Variants in PRKCA observed in about 807,000 individuals in gnomAD.
PRKCA encodes protein kinase C alpha.
A neutral mutation model predicts 87.0 loss-of-function variants in PRKCA; 27 were observed. The ratio of observed to expected loss-of-function variants is 0.31; its 90% CI spans 0.23 to 0.43. The LOEUF (loss-of-function observed/expected upper bound fraction) is 0.43. Ranked by LOEUF, PRKCA falls within the 20% of genes least tolerant of loss-of-function variation. The pLI, the probability that PRKCA is intolerant of heterozygous loss-of-function variation, is 1.00. For missense variants in PRKCA, 518 were observed against 852.3 expected, an observed-to-expected ratio of 0.61 and a Z score of 4.88; for synonymous variants, 329 against 311.1, an observed-to-expected ratio of 1.06 and a Z score of -0.61.
Position 66,536,882 on chromosome 17 carries a change from A to C in PRKCA, c.288+40599A>C, listed in dbSNP as rs546720166. On this transcript the variant is annotated intron_variant, in intron 3 of 16. Coordinates refer to ENST00000413366, the MANE Select transcript of PRKCA (RefSeq NM_002737.3). ...GCACCATGTGGGTCCAGTCCCTGAG[A>C]TGAGTGCTTGATAGATAGAGGTGAA... Among the ~76,000 whole-genome samples the C allele has an allele frequency of 5.9e-5, 9 of 152,274 alleles. No homozygotes were observed. The South Asian group carries it at 1.9e-3, about 32-fold the overall frequency.
intron 3 of PRKCA, among the ~76,000 whole-genome samples, chr17:66,537,818 A>G (rs1395881401): frequency 2.0e-5 from 3 of 151,910 alleles, no homozygotes; most frequent in African/African-American, 7.3e-5. Flanking sequence ...TGGTTTGTTT[A>G]TTTGGGAGAT....
chr17:66,706,416 G>A (rs1022701851), intron 8 of PRKCA, among the ~76,000 whole-genome samples: 2 of 151,514 alleles, frequency 1.3e-5, no homozygotes, highest in Non-Finnish European at 2.9e-5. Flanking sequence ...CAGGCAGATC[G>A]CAAGGTCAGG....
chr17:66,734,829 C>T (rs2144210202), intron 9 of PRKCA, among the ~76,000 whole-genome samples: 1 of 152,274 alleles, frequency 6.6e-6, no homozygotes, highest in South Asian at 2.1e-4. Flanking sequence ...GATCAGAGTG[C>T]ACAGTCCTCA....
chr17:66,522,828 A>C (rs937462343), intron 3 of PRKCA, among the ~76,000 whole-genome samples: 16 of 150,112 alleles, frequency 1.1e-4, no homozygotes, highest in Non-Finnish European at 2.1e-4. Flanking sequence ...AAAAAAGAAG[A>C]AGCCAGGCCC....
At chr17:66,674,431 A>T (rs1314088816) in intron 5 of PRKCA, among the ~76,000 whole-genome samples, 2 of 152,222 alleles carry the variant, frequency 1.3e-5, no homozygotes, top group Non-Finnish European at 2.9e-5. Context: ...CAAAATAACT[A>T]AAAGAGACTA....
chr17:66,643,644 T>G (rs1827561364), intron 4 of PRKCA, among the ~76,000 whole-genome samples: 1 of 152,216 alleles, frequency 6.6e-6, no homozygotes, highest in African/African-American at 2.4e-5. Flanking sequence ...TGTTTTAAAC[T>G]CTTTTTCTTG....
chr17:66,407,290 A>T (rs763421919), intron 2 of PRKCA, among the ~76,000 whole-genome samples: 20 of 151,210 alleles, frequency 1.3e-4, no homozygotes, highest in Non-Finnish European at 1.8e-4. Flanking sequence ...TCCTTTGTGG[A>T]TGGTTTAGCA....
intron 2 of PRKCA, among the ~76,000 whole-genome samples, chr17:66,427,212 C>A: frequency 6.6e-6 from 1 of 151,968 alleles, no homozygotes; most frequent in Admixed American, 6.6e-5. Flanking sequence ...TTGTATTTCT[C>A]GTAGAGACGA....
chr17:66,486,743 A>G (rs867063700), intron 2 of PRKCA, among the ~76,000 whole-genome samples: 2 of 152,092 alleles, frequency 1.3e-5, no homozygotes, highest in Middle Eastern at 3.4e-3. Context: ...TGACACATCT[A>G]TCTGGGTGGC....
chr17:66,532,707 G>A (rs1028457272), intron 3 of PRKCA, among the ~76,000 whole-genome samples: 12 of 152,028 alleles, frequency 7.9e-5, no homozygotes, highest in African/African-American at 2.9e-4. Context: ...CTTTGCATGG[G>A]GTAAAACCCT....
At chr17:66,704,076 T>C (rs1439920344) in intron 8 of PRKCA, among the ~76,000 whole-genome samples, 2 of 152,080 alleles carry the variant, frequency 1.3e-5, no homozygotes, top group Non-Finnish European at 2.9e-5. Context: ...CACCATCATT[T>C]ATGCAGTCCA....
rs140107268 is a variant in PRKCA, at chr17:66,644,767, C to A, written c.401-616C>A. Among the ~76,000 whole-genome samples the A allele has an allele frequency of 2.0e-4, 31 of 151,824 alleles. No individual in the cohort carries two copies. In the East Asian group the frequency reaches 5.8e-3, roughly 29 times the overall value. Reference sequence around the variant, plus strand: ...ATTTAATGAATTTTCTATACTCAATCCACAGATTTTCACTCTTTCTCAGTG... The same window carrying A: ...ATTTAATGAATTTTCTATACTCAATACACAGATTTTCACTCTTTCTCAGTG... On this transcript the variant is annotated intron_variant, in intron 4 of 16. Coordinates refer to ENST00000413366, the MANE Select transcript of PRKCA (RefSeq NM_002737.3).
At chr17:66,346,386 C>T (rs1282279270) in intron 2 of PRKCA, among the ~76,000 whole-genome samples, 2 of 151,050 alleles carry the variant, frequency 1.3e-5, no homozygotes, top group African/African-American at 2.4e-5. Flanking sequence ...CCTGAGCCAC[C>T]ACGCCCTGCT....
chr17:66,756,146 C>T (rs1416805325), intron 13 of PRKCA, among the ~76,000 whole-genome samples: 1 of 152,158 alleles, frequency 6.6e-6, no homozygotes, highest in Non-Finnish European at 1.5e-5. Context: ...AGAAAAATCG[C>T]CTCATGCTTC....
At position 66,453,292 on chromosome 17, in the gene PRKCA, C is replaced by T. The variant is rs566141847; in HGVS notation, c.206-42909C>T. Among the ~76,000 whole-genome samples, 30 of 152,046 alleles carry T rather than the reference C, an allele frequency of 2.0e-4. 1 individual carries two copies. The highest frequency in any genetic ancestry group is 6.5e-4 in the African/African-American group (27 of 41,502). ...TCGTACAGATCCACAGTCCCCTTGC[C>T]TTGGGTCCCGTGATCCTTTTTTTCT... On this transcript the variant is annotated intron_variant, in intron 2 of 16. Transcript: ENST00000413366.
chr17:66,698,652 A>G (rs910368727), intron 8 of PRKCA, among the ~76,000 whole-genome samples: 1 of 152,064 alleles, frequency 6.6e-6, no homozygotes. Context: ...TAGAAGGGAA[A>G]AAGAGAAAGG....
intron 2 of PRKCA, among the ~76,000 whole-genome samples, chr17:66,476,928 C>T (rs1049234835): frequency 6.6e-6 from 1 of 152,208 alleles, no homozygotes; most frequent in African/African-American, 2.4e-5. Context: ...TCACGTACAT[C>T]ATCCTGTCTG....
At chr17:66,688,660 A>G (rs1273851754) in intron 7 of PRKCA, among the ~76,000 whole-genome samples, 1 of 151,854 alleles carries the variant, frequency 6.6e-6, no homozygotes, top group African/African-American at 2.4e-5. Context: ...AAAATTAGCC[A>G]GGTGTGGTGG....
chr17:66,800,292 G>A (rs949180762), intron 16 of PRKCA, among the ~76,000 whole-genome samples: 1 of 152,242 alleles, frequency 6.6e-6, no homozygotes, highest in Non-Finnish European at 1.5e-5. Flanking sequence ...TTTGAGACCA[G>A]AAGCCACACA....
Sources: allele counts gnomAD v4.1 joint callset (sites outside exome capture counted in the v4.1 genomes callset), GRCh38; gene constraint gnomAD v4.1.1; transcripts MANE v1.5; gene names NCBI Gene and HGNC (gene_info 2026-07-23, HGNC 2026-07-21).